STEAP1B: variants seen among roughly 807,000 people sequenced by gnomAD.
STEAP1B encodes STEAP family protein MGC87042.
STEAP1B carries 13 observed loss-of-function variants against 27.9 expected under a neutral mutation model. The ratio of observed to expected loss-of-function variants is 0.47; its 90% CI spans 0.30 to 0.74. The LOEUF (loss-of-function observed/expected upper bound fraction) is 0.74. Ranked by LOEUF, STEAP1B falls within the 30% of genes least tolerant of loss-of-function variation. STEAP1B has a pLI of 0.06. For synonymous variants in STEAP1B, 86 were observed against 107.1 expected (o/e 0.80, Z 1.22); for missense variants, 250 against 298.7 (o/e 0.84, Z 1.20).
At chr7:22,487,284 C>T (rs1786226502) in intron 4 of STEAP1B, among the ~76,000 whole-genome samples, 2 of 151,968 alleles carry the variant, frequency 1.3e-5, no homozygotes, top group South Asian at 4.2e-4. Context: ...GGGTGACAGA[C>T]CAAGACCCTG....
intron 4 of STEAP1B, among the ~76,000 whole-genome samples, chr7:22,481,600 T>C (rs1786075230): frequency 1.3e-5 from 2 of 152,314 alleles, no homozygotes; most frequent in South Asian, 4.2e-4. Flanking sequence ...GGTTTGCACA[T>C]TAGAGTTTGA....
At chr7:22,420,727 CT>C (rs1785033671) in intron 4 of STEAP1B, among the ~76,000 whole-genome samples, 1 of 152,228 alleles carries the variant, frequency 6.6e-6, no homozygotes, top group South Asian at 2.1e-4. Flanking sequence ...TGCCTCAACC[CT>C]TTTTAAAGTT....
At chr7:22,456,972 A>ATATATATATATATATTTTTTTT in intron 4 of STEAP1B, among the ~76,000 whole-genome samples, 2 of 57,044 alleles carry the variant, frequency 3.5e-5, no homozygotes, top group African/African-American at 1.4e-4. Context: ...ATATATATAT[A>ATATATATATATATATTTTTTTT]TTTTTTTTTT....
chr7:22,495,723 C>T (rs28756229), intron 1 of STEAP1B, among the ~76,000 whole-genome samples: 64,971 of 151,044 alleles, frequency 0.43, 14,071 homozygotes, highest in Middle Eastern at 0.57. Context: ...TGACAGAAAA[C>T]ATCCCAAGTG....
chr7:22,427,187 G>A (rs1190316067), intron 4 of STEAP1B, among the ~76,000 whole-genome samples: 1 of 152,224 alleles, frequency 6.6e-6, no homozygotes, highest in African/African-American at 2.4e-5. Context: ...AGACCTTGCA[G>A]GATGAGTTAA....
intron 4 of STEAP1B, among the ~76,000 whole-genome samples, chr7:22,450,187 T>C (rs945362705): frequency 6.6e-6 from 1 of 150,726 alleles, no homozygotes; most frequent in Non-Finnish European, 1.5e-5. Context: ...TGTGGAGTAT[T>C]ACTCAAGTGC....
intron 4 of STEAP1B, among the ~76,000 whole-genome samples, chr7:22,431,731 A>G (rs1785190331): frequency 6.6e-6 from 1 of 152,210 alleles, no homozygotes; most frequent in African/African-American, 2.4e-5. Flanking sequence ...TGGAGAGAAA[A>G]CTGGATCAGG....
intron 4 of STEAP1B, among the ~76,000 whole-genome samples, chr7:22,437,032 A>G (rs1267332699): frequency 6.6e-6 from 1 of 152,276 alleles, no homozygotes; most frequent in East Asian, 1.9e-4. Context: ...GCTTCTGCAC[A>G]GCAAAGGAAA....
chr7:22,437,155 T>A (rs1785265869), intron 4 of STEAP1B, among the ~76,000 whole-genome samples: 1 of 152,206 alleles, frequency 6.6e-6, no homozygotes, highest in African/African-American at 2.4e-5. Flanking sequence ...CACAAGCTAA[T>A]TTTAAAGTAT....
intron 4 of STEAP1B, among the ~76,000 whole-genome samples, chr7:22,447,311 A>C (rs1325319076): frequency 6.6e-6 from 1 of 152,236 alleles, no homozygotes; most frequent in African/African-American, 2.4e-5. Context: ...TTGGTGACAG[A>C]GGCCTGTCAT....
At chr7:22,465,311 T>C (rs534336104) in intron 4 of STEAP1B, among the ~76,000 whole-genome samples, 2 of 152,190 alleles carry the variant, frequency 1.3e-5, no homozygotes, top group Middle Eastern at 3.4e-3. Context: ...ATGGTCGACC[T>C]TGGATAAGCG....
In STEAP1B at chr7:22,438,821, T is replaced by C. The variant is rs1438226307; in HGVS notation, c.763-18985A>G. 4 of 1,477,122 alleles carry C rather than the reference T, an allele frequency of 2.7e-6. No individual in the cohort carries two copies. In the African/African-American group the frequency reaches 4.3e-5, roughly 16 times the overall value. 91.5% of individuals were successfully genotyped at this position (1,477,122 alleles called of 1,614,324 possible). On this transcript the variant is annotated intron_variant, in intron 4 of 4. Transcript: ENST00000678116. ...AAGTATGTGGGAATTAAAAGCCCTG[T>C]GATAAGTGTATAATGAGAAAACTGA... is the stretch of plus-strand genomic sequence containing the variant.
chr7:22,428,823 A>G (rs2128399480), intron 4 of STEAP1B, among the ~76,000 whole-genome samples: 1 of 152,234 alleles, frequency 6.6e-6, no homozygotes, highest in South Asian at 2.1e-4. Flanking sequence ...ATAAAATAAA[A>G]TAAAATACAT....
In STEAP1B at chr7:22,468,331, T is replaced by C. The variant is rs532297366; in HGVS notation, c.762+24234A>G. 1.4e-3 allele frequency among the ~76,000 whole-genome samples: 219 copies of C among 152,254 alleles called. 1 individual carries two copies. Among genetic ancestry groups the C allele is most frequent in the Middle Eastern group, 3.4e-3 (1 of 294 alleles). On this transcript the variant is annotated intron_variant, in intron 4 of 4. Transcript: ENST00000678116. ...AAGGGAGGTACTATTATTACCTCCA[T>C]TTTATAGATTAGGAAACTGAGGAAA...
chr7:22,432,425 G>C (rs1376005830), intron 4 of STEAP1B, among the ~76,000 whole-genome samples: 1 of 144,266 alleles, frequency 6.9e-6, no homozygotes, highest in African/African-American at 2.7e-5. Flanking sequence ...ATAAATAAAA[G>C]GTTAGCCAGC....
At chr7:22,468,644 A>G (rs1208377057) in intron 4 of STEAP1B, among the ~76,000 whole-genome samples, 1 of 152,086 alleles carries the variant, frequency 6.6e-6, no homozygotes, top group Non-Finnish European at 1.5e-5. Context: ...ATGTATCCTC[A>G]CAGGGGCTTA....
At chr7:22,431,332 A>T (rs1785184556) in intron 4 of STEAP1B, among the ~76,000 whole-genome samples, 1 of 152,176 alleles carries the variant, frequency 6.6e-6, no homozygotes. Flanking sequence ...AATTATGTCC[A>T]GCAGGAAGTG....
intron 4 of STEAP1B, chr7:22,438,592 G>A (rs1371262980): frequency 5.2e-6 from 8 of 1,552,060 alleles, no homozygotes; most frequent in Non-Finnish European, 7.0e-6. Context: ...AGGGCTGGCT[G>A]CTGATAAAAT....
At chr7:22,489,206 C>G (rs534747438) in intron 4 of STEAP1B, among the ~76,000 whole-genome samples, 15 of 152,236 alleles carry the variant, frequency 9.9e-5, no homozygotes, top group South Asian at 4.2e-4. Flanking sequence ...TCCTCATTTA[C>G]CTGGTACAAG....
Sources: allele counts gnomAD v4.1 joint callset (sites outside exome capture counted in the v4.1 genomes callset), GRCh38; gene constraint gnomAD v4.1.1; transcripts MANE v1.5; gene names NCBI Gene and HGNC (gene_info 2026-07-23, HGNC 2026-07-21).